Variants in SHROOM3 observed in about 807,000 individuals in gnomAD.
SHROOM3 encodes the protein shroom family member 3.
SHROOM3 carries 47 observed loss-of-function variants against 138.6 expected under a neutral mutation model. The ratio of observed to expected loss-of-function variants is 0.34; its 90% CI spans 0.27 to 0.43. The LOEUF (loss-of-function observed/expected upper bound fraction) is 0.43. SHROOM3 is among the 20% of genes least tolerant of loss of function. The probability of loss-of-function intolerance (pLI) is 1.00; values close to 1 mark genes in which losing one functional copy is unlikely to be tolerated. For missense variants in SHROOM3, 2,491 were observed against 2,596.5 expected (o/e 0.96, Z 0.88); for synonymous variants, 1,062 against 1,063.3 (o/e 1.00, Z 0.02).
Position 76,739,706 on chromosome 4 carries a change from G to A in SHROOM3, c.1533G>A (p.Met511Ile), listed in dbSNP as rs1445768079. Residue 511 changes from methionine (M) to isoleucine (I), a missense_variant, in exon 5 of 11, where the codon ATG becomes ATA. Met to Ile is a conservative substitution (Grantham distance 10). Coordinates refer to ENST00000296043, the MANE Select transcript of SHROOM3 (RefSeq NM_020859.4). ...YIAPQGACNKMATIDENGNQN... is the reference protein window; with the variant it reads ...YIAPQGACNKIATIDENGNQN... The stretch of plus-strand genomic sequence containing the variant: ...CCCCTCAGGGAGCATGCAACAAGAT[G>A]GCTACCATTGATGAGAATGGGAACC... The A allele has an allele frequency of 1.9e-6, 3 of 1,614,200 alleles. No individual in the cohort carries two copies. The highest frequency in any genetic ancestry group is 2.7e-5 in the African/African-American group (2 of 75,040).
Position 76,441,086 on chromosome 4 carries a change from G to GTTTTT in SHROOM3, c.168+4883_168+4887dup, listed in dbSNP as rs374530154. Among the ~76,000 whole-genome samples, 644 of 82,170 alleles carry GTTTTT rather than the reference G, an allele frequency of 7.8e-3. 105 individuals are homozygous for GTTTTT. The highest frequency in any genetic ancestry group is 0.021 in the African/African-American group (458 of 21,386). The allele number at this position is 82,170 out of a possible 152,430, so 53.9% of individuals were successfully genotyped here. A position where few individuals can be genotyped will look rare whatever the true frequency, so the allele number is the denominator to read the frequency against. ...TCAGCCACAGTCCTGAGTTCAATTT[G>GTTTTT]TTTTTTTTTTTTTTTTTTTTTGAGA... On this transcript the variant is annotated intron_variant, in intron 1 of 10. Transcript: ENST00000296043.
chr4:76,472,307 G>A (rs1438745275), intron 1 of SHROOM3, among the ~76,000 whole-genome samples: 2 of 152,146 alleles, frequency 1.3e-5, no homozygotes, highest in African/African-American at 4.8e-5. Context: ...TTAGTAAAAT[G>A]TACTGACTTT....
chr4:76,492,869 G>C (rs1731882896), intron 1 of SHROOM3, among the ~76,000 whole-genome samples: 1 of 152,092 alleles, frequency 6.6e-6, no homozygotes, highest in Non-Finnish European at 1.5e-5. Flanking sequence ...TCTTGCTAGA[G>C]GAGTAATCTC....
chr4:76,641,994 T>C (rs934897192), intron 2 of SHROOM3, among the ~76,000 whole-genome samples: 2 of 152,174 alleles, frequency 1.3e-5, no homozygotes, highest in Admixed American at 6.5e-5. Flanking sequence ...TCCAGCTCCA[T>C]GTTTTTGATC....
At chr4:76,718,053 G>A (rs949621527) in intron 3 of SHROOM3, among the ~76,000 whole-genome samples, 2 of 152,266 alleles carry the variant, frequency 1.3e-5, no homozygotes, top group Admixed American at 6.5e-5. Flanking sequence ...TGCAACAGTC[G>A]TGGTAATGTT....
chr4:76,704,651 C>A, intron 2 of SHROOM3, among the ~76,000 whole-genome samples: 1 of 152,218 alleles, frequency 6.6e-6, no homozygotes, highest in East Asian at 1.9e-4. Flanking sequence ...GGAGCCACGT[C>A]ACCAGAGACC....
At chr4:76,773,269 G>T (rs959701036) in intron 10 of SHROOM3, among the ~76,000 whole-genome samples, 1 of 151,710 alleles carries the variant, frequency 6.6e-6, no homozygotes, top group Non-Finnish European at 1.5e-5. Flanking sequence ...AGCTACTCAG[G>T]AGGCTGAGGC....
intron 2 of SHROOM3, among the ~76,000 whole-genome samples, chr4:76,699,766 A>C (rs1719852369): frequency 6.6e-6 from 1 of 152,116 alleles, no homozygotes; most frequent in Admixed American, 6.5e-5. Context: ...ATGGTACTAC[A>C]CCATGCAGCA....
At chr4:76,525,344 A>G (rs1296915041) in intron 1 of SHROOM3, among the ~76,000 whole-genome samples, 3 of 152,220 alleles carry the variant, frequency 2.0e-5, no homozygotes, top group African/African-American at 2.4e-5. Context: ...ACTCACTGTC[A>G]TGAGAACATC....
Position 76,613,695 on chromosome 4 carries a change from G to A in SHROOM3, c.323+57932G>A, listed in dbSNP as rs552718830. On this transcript the variant is annotated intron_variant, in intron 2 of 10. Transcript: ENST00000296043. ...TAATGTTGATAGCAAGGAAGAGAGG[G>A]CCATACCTAGGTTCAAGTAGTGGGC... Among the ~76,000 whole-genome samples the A allele has an allele frequency of 1.2e-4, 19 of 152,282 alleles. No homozygotes were observed. The East Asian group carries it at 3.5e-3, about 28-fold the overall frequency.
At chr4:76,555,404 G>A (rs973984286) in intron 1 of SHROOM3, among the ~76,000 whole-genome samples, 7 of 152,160 alleles carry the variant, frequency 4.6e-5, no homozygotes, top group African/African-American at 1.7e-4. Context: ...TCCCTGGGCA[G>A]GCAGGGTGCT....
At position 76,491,038 on chromosome 4, in the gene SHROOM3, C is replaced by T. The variant is rs372476107; in HGVS notation, c.168+54818C>T. The stretch of plus-strand genomic sequence containing the variant: ...TAGGAAAGTCACGAAAAAGTGGTAT[C>T]GCTGCTGGAAGGCAGGATGGTTTGG... On this transcript the variant is annotated intron_variant, in intron 1 of 10. Coordinates refer to ENST00000296043, the MANE Select transcript of SHROOM3 (RefSeq NM_020859.4). Among the ~76,000 whole-genome samples the T allele has an allele frequency of 4.1e-4, 63 of 152,288 alleles. 2 individuals carry two copies. The East Asian group carries it at 7.7e-3, about 19-fold the overall frequency.
At chr4:76,757,089 C>T in intron 8 of SHROOM3, 152 bp downstream of exon 8, 1 of 1,232,040 alleles carries the variant, frequency 8.1e-7, no homozygotes, top group South Asian at 1.3e-5. Context: ...AGGAATGGCT[C>T]TGGCAGTGAG....
chr4:76,608,301 C>G (rs1039030122), intron 2 of SHROOM3, among the ~76,000 whole-genome samples: 3 of 152,224 alleles, frequency 2.0e-5, no homozygotes, highest in African/African-American at 2.4e-5. Flanking sequence ...AAGTGCCCCC[C>G]ACCCTGTCTC....
chr4:76,642,590 A>G (rs1175738864), intron 2 of SHROOM3, among the ~76,000 whole-genome samples: 1 of 152,230 alleles, frequency 6.6e-6, no homozygotes, highest in Non-Finnish European at 1.5e-5. Context: ...GATGAGGCCA[A>G]TGTGTGAAGG....
At chr4:76,579,982 T>A (rs1460075265) in intron 2 of SHROOM3, among the ~76,000 whole-genome samples, 1 of 152,230 alleles carries the variant, frequency 6.6e-6, no homozygotes, top group African/African-American at 2.4e-5. Flanking sequence ...TTTGTACGTA[T>A]CTCCTGTCAC....
chr4:76,778,632 T>C (rs535596892), intron 10 of SHROOM3, among the ~76,000 whole-genome samples, 177 bp from the exon 11 acceptor site: 38 of 152,352 alleles, frequency 2.5e-4, no homozygotes, highest in Admixed American at 2.2e-3. Context: ...TAGAGAATGC[T>C]GTAATATGTA....
At position 76,741,052 on chromosome 4, in the gene SHROOM3, GGCCTTCCTCGGCCCA is replaced by G. The variant is rs1454213864; in HGVS notation, c.2880_2894del (p.Pro961_His965del). On this transcript the variant is annotated inframe_deletion, in exon 5 of 11. Coordinates refer to ENST00000296043, the MANE Select transcript of SHROOM3 (RefSeq NM_020859.4). This position sits in a 1 kb window ranked among gnomAD's most constrained non-coding sequence, Gnocchi z 6.2. ...GTGGCGTCGAGGTCCTGGCGGCCAC[GGCCTTCCTCGGCCCA>G]CGTGGGGCTGCGGAGCCCCGAGGCG... 1 of 1,496,214 alleles carries G rather than the reference GGCCTTCCTCGGCCCA, an allele frequency of 6.7e-7. No homozygotes were observed. The highest frequency in any genetic ancestry group is 8.9e-7 in the Non-Finnish European group (1 of 1,127,626). 92.7% of individuals were successfully genotyped at this position (1,496,214 alleles called of 1,614,324 possible). A position where few individuals can be genotyped will look rare whatever the true frequency, so the allele number is the denominator to read the frequency against.
At chr4:76,569,469 A>G (rs1560549162) in intron 2 of SHROOM3, among the ~76,000 whole-genome samples, 1 of 152,194 alleles carries the variant, frequency 6.6e-6, no homozygotes, top group African/African-American at 2.4e-5. Flanking sequence ...CAGAATGAGG[A>G]AGAGAAGTCA....
Sources: allele counts gnomAD v4.1 joint callset (sites outside exome capture counted in the v4.1 genomes callset), GRCh38; gene constraint gnomAD v4.1.1; non-coding constraint Gnocchi (gnomAD v3.1); transcripts MANE v1.5; gene names NCBI Gene and HGNC (gene_info 2026-07-23, HGNC 2026-07-21).